The following RHOU variants were observed in gnomAD, a reference collection of about 807,000 sequenced individuals.
RHOU encodes ras homolog family member U.
A neutral mutation model predicts 12.6 loss-of-function variants in RHOU; 8 were observed. The observed-to-expected ratio is 0.64, with a 90% CI of 0.37 to 1.15. RHOU has a LOEUF of 1.15. Among genes scored for constraint, RHOU ranks in the 50% most tolerant of loss-of-function variants. RHOU has a pLI of 0.01. For synonymous variants in RHOU, 161 were observed against 147.4 expected (o/e 1.09, Z -0.67); for missense variants, 258 against 347.0 (o/e 0.74, Z 2.04).
chr1:228,730,269 T>C, the RHOU span, among the ~76,000 whole-genome samples: 1 of 152,164 alleles, frequency 6.6e-6, no homozygotes, highest in African/African-American at 2.4e-5. Context: ...TGGTGGGAAC[T>C]TGGAGAAAAG....
chr1:228,743,557 C>T lies in RHOU; in HGVS notation c.594C>T (p.Ala198=), dbSNP rs1254082780. 1 of 1,614,182 alleles carries T rather than the reference C, an allele frequency of 6.2e-7. No homozygotes were observed. Among genetic ancestry groups the T allele is most frequent in the Non-Finnish European group, 8.5e-7 (1 of 1,180,042 alleles). Reference sequence around the variant, plus strand: ...TGTGCGCCGAGGAAATCAAAGCCGCCTCCTACATCGAGTGTTCAGCCTTGA... The same window carrying T: ...TGTGCGCCGAGGAAATCAAAGCCGCTTCCTACATCGAGTGTTCAGCCTTGA... The part of the protein sequence containing the change: ...AKLCAEEIKA[A]SYIECSALTQ... Residue 198 remains alanine, a synonymous_variant, in exon 3 of 3, where the codon GCC becomes GCT. Transcript: ENST00000366691. This position sits in a 1 kb window ranked among gnomAD's most constrained non-coding sequence, Gnocchi z 5.1.
the RHOU span, among the ~76,000 whole-genome samples, chr1:228,667,053 G>A: frequency 6.6e-6 from 1 of 152,196 alleles, no homozygotes; most frequent in Non-Finnish European, 1.5e-5. Context: ...GGAAATCTGA[G>A]CTGGCTCTGT....
At chr1:228,687,342 C>T in the RHOU span, 3 of 754,678 alleles carry the variant, frequency 4.0e-6, no homozygotes, top group Non-Finnish European at 7.1e-6. Flanking sequence ...AGGAATGGTA[C>T]AAATCAACGA....
At chr1:228,712,446 G>A in the RHOU span, among the ~76,000 whole-genome samples, 1 of 151,944 alleles carries the variant, frequency 6.6e-6, no homozygotes, top group African/African-American at 2.4e-5. Context: ...TTAAGAAAAT[G>A]TGGCACATAT....
the RHOU span, among the ~76,000 whole-genome samples, chr1:228,707,249 ATATATAGTGTGT>A: frequency 1.8e-4 from 17 of 94,704 alleles, no homozygotes; most frequent in African/African-American, 4.6e-4. Flanking sequence ...ATATATATAT[ATATATAGTGTGT>A]GTGTGTGTGT....
chr1:228,670,603 G>C, the RHOU span, among the ~76,000 whole-genome samples: 3 of 152,196 alleles, frequency 2.0e-5, no homozygotes, highest in South Asian at 4.1e-4. Context: ...AACGTTCTAT[G>C]ATGACTTACT....
At position 228,735,494 on chromosome 1, in the gene RHOU, C is replaced by G. The variant is rs1195655439; in HGVS notation, c.-249C>G. On this transcript the variant is annotated 5_prime_UTR_variant, in exon 1 of 3. Coordinates refer to ENST00000366691, the MANE Select transcript of RHOU (RefSeq NM_021205.6). The surrounding 1 kb of genome is among the most constrained non-coding windows in gnomAD (Gnocchi z 8.1). ...GGGCGGAGACAGAGCGCTTGGGATC[C>G]ACGGCGCTCGGACCGCTGTCCTCCA... 1 of 263,624 alleles carries G rather than the reference C, an allele frequency of 3.8e-6. No homozygotes were observed. The highest frequency in any genetic ancestry group is 2.2e-5 in the African/African-American group (1 of 44,502). 16.3% of individuals were successfully genotyped at this position (263,624 alleles called of 1,614,324 possible). A position where few individuals can be genotyped will look rare whatever the true frequency, so the allele number is the denominator to read the frequency against.
At chr1:228,650,410 C>A in the RHOU span, 1 of 457,168 alleles carries the variant, frequency 2.2e-6, no homozygotes, top group South Asian at 1.5e-5. Flanking sequence ...CAGCCCGGGG[C>A]GGCTGTGGGG....
Position 228,735,845 on chromosome 1 carries a change from G to A in RHOU, c.103G>A (p.Glu35Lys). The A allele has an allele frequency of 7.6e-7, 1 of 1,314,750 alleles. No individual in the cohort carries two copies. The highest frequency in any genetic ancestry group is 9.7e-7 in the Non-Finnish European group (1 of 1,034,990). 81.4% of individuals were successfully genotyped at this position (1,314,750 alleles called of 1,614,324 possible). Residue 35 changes from glutamate (E) to lysine (K), a missense_variant, in exon 1 of 3, where the codon GAG (glutamate) becomes AAG (lysine). Glu to Lys is a moderately conservative substitution (Grantham distance 56, BLOSUM62 1). Transcript: ENST00000366691. This position sits in a 1 kb window ranked among gnomAD's most constrained non-coding sequence, Gnocchi z 8.1. ...RGGRGGRGPG[E>K]PGGRGRAGGA... ...TGGACGCGGGGGACGCGGGCCTGGG[G>A]AGCCGGGGGGCCGGGGGCGTGCGGG... is the stretch of plus-strand genomic sequence containing the variant.
the RHOU span, among the ~76,000 whole-genome samples, chr1:228,723,612 G>A: frequency 1.3e-5 from 2 of 152,216 alleles, no homozygotes; most frequent in African/African-American, 4.8e-5. Context: ...GCATATCAAA[G>A]GTTGCCGTCA....
At chr1:228,722,825 G>C in the RHOU span, among the ~76,000 whole-genome samples, 2 of 152,048 alleles carry the variant, frequency 1.3e-5, no homozygotes, top group East Asian at 1.9e-4. Flanking sequence ...GTTTCACCAC[G>C]TTGGCCAGGA....
chr1:228,662,601 T>C, the RHOU span, among the ~76,000 whole-genome samples: 8 of 151,074 alleles, frequency 5.3e-5, no homozygotes, highest in Non-Finnish European at 1.2e-4. Context: ...AAACACTGCA[T>C]GTTCTCACTC....
chr1:228,733,815 G>A (rs991819291), upstream of RHOU, among the ~76,000 whole-genome samples: 1 of 152,208 alleles, frequency 6.6e-6, no homozygotes, highest in African/African-American at 2.4e-5. Flanking sequence ...TATCTACATA[G>A]GAGAACTGTA....
At chr1:228,678,673 A>G in the RHOU span, among the ~76,000 whole-genome samples, 1 of 152,186 alleles carries the variant, frequency 6.6e-6, no homozygotes, top group Non-Finnish European at 1.5e-5. Context: ...CAGTATAAAT[A>G]TTGATACGTA....
At chr1:228,674,344 A>G in the RHOU span, among the ~76,000 whole-genome samples, 1 of 141,624 alleles carries the variant, frequency 7.1e-6, no homozygotes, top group Non-Finnish European at 1.5e-5. Context: ...AGTGTTTAGT[A>G]CCTTTTTTTT....
chr1:228,713,918 G>A, the RHOU span, among the ~76,000 whole-genome samples: 1 of 152,114 alleles, frequency 6.6e-6, no homozygotes, highest in Non-Finnish European at 1.5e-5. Flanking sequence ...CTTGCTTGCT[G>A]TGTGGAGAAA....
the RHOU span, among the ~76,000 whole-genome samples, chr1:228,707,791 G>A: frequency 6.6e-6 from 1 of 152,158 alleles, no homozygotes; most frequent in African/African-American, 2.4e-5. Context: ...ACCAGCAACG[G>A]AACAAAGCTG....
the RHOU span, among the ~76,000 whole-genome samples, chr1:228,662,316 G>C: frequency 4.6e-5 from 7 of 152,114 alleles, no homozygotes; most frequent in Non-Finnish European, 2.9e-5. Context: ...TTGACCCAGC[G>C]ATCCCATTAC....
the RHOU span, among the ~76,000 whole-genome samples, chr1:228,692,956 T>C: frequency 9.7e-4 from 148 of 152,334 alleles, no homozygotes; most frequent in Non-Finnish European, 1.9e-3. Context: ...ATTAGATTTA[T>C]ATATTGCTTT....
Sources: allele counts gnomAD v4.1 joint callset (sites outside exome capture counted in the v4.1 genomes callset), GRCh38; gene constraint gnomAD v4.1.1; non-coding constraint Gnocchi (gnomAD v3.1); transcripts MANE v1.5; gene names NCBI Gene and HGNC (gene_info 2026-07-23, HGNC 2026-07-21).